The following BRD7 variants were observed in gnomAD, a reference collection of about 807,000 sequenced individuals.
BRD7 encodes bromodomain containing 7.
BRD7 carries 15 observed loss-of-function variants against 82.1 expected under a neutral mutation model. The ratio of observed to expected loss-of-function variants is 0.18; its 90% confidence interval spans 0.12 to 0.28. The LOEUF is 0.28. Ranked by LOEUF, BRD7 falls within the 10% of genes least tolerant of loss-of-function variation. The pLI, the probability that BRD7 is intolerant of heterozygous loss-of-function variation, is 1.00. For missense variants in BRD7, 638 were observed against 779.9 expected, an observed-to-expected ratio of 0.82 and a Z score of 2.17; for synonymous variants, 232 against 266.9, an observed-to-expected ratio of 0.87 and a Z score of 1.27.
At chr16:50,357,703 A>G (rs1332585646) in intron 2 of BRD7, among the ~76,000 whole-genome samples, 1 of 152,192 alleles carries the variant, frequency 6.6e-6, no homozygotes, top group African/African-American at 2.4e-5. Flanking sequence ...AAACTGGGCC[A>G]AGTGCAGTGG....
At chr16:50,334,086 T>C (rs2037687684) in intron 7 of BRD7, among the ~76,000 whole-genome samples, 1 of 152,252 alleles carries the variant, frequency 6.6e-6, no homozygotes, top group African/African-American at 2.4e-5. Context: ...AACTTGTCAC[T>C]AGTTTACTTT....
intron 6 of BRD7, among the ~76,000 whole-genome samples, chr16:50,337,021 G>A (rs1015074946): frequency 1.3e-5 from 2 of 152,130 alleles, no homozygotes; most frequent in Non-Finnish European, 2.9e-5. Flanking sequence ...CATGAGGTAA[G>A]TACTACTATT....
intron 11 of BRD7, among the ~76,000 whole-genome samples, chr16:50,324,345 C>T (rs2037244520): frequency 1.3e-5 from 2 of 152,168 alleles, no homozygotes; most frequent in Non-Finnish European, 2.9e-5. Flanking sequence ...CTACTTCTGC[C>T]CTTGCCTCTC....
intron 2 of BRD7, among the ~76,000 whole-genome samples, chr16:50,357,391 G>A (rs944177423): frequency 2.6e-5 from 4 of 152,212 alleles, no homozygotes; most frequent in Non-Finnish European, 5.9e-5. Context: ...AGCTACCACT[G>A]TTAGTTGGTT....
At chr16:50,368,589 C>A (rs920659658) in intron 1 of BRD7, 137 bp downstream of exon 1, 2 of 934,396 alleles carry the variant, frequency 2.1e-6, no homozygotes, top group Non-Finnish European at 3.0e-6. Flanking sequence ...CGGCCTCCGG[C>A]AGGACGCGCC....
At chr16:50,357,924 G>C (rs1408347611) in intron 2 of BRD7, among the ~76,000 whole-genome samples, 1 of 152,014 alleles carries the variant, frequency 6.6e-6, no homozygotes, top group African/African-American at 2.4e-5. Flanking sequence ...AGGTTGCAGT[G>C]AGCCAAGAAC....
rs1388107959 is a variant in BRD7, at chr16:50,340,022, T to C, written c.656A>G (p.Lys219Arg). The change falls in exon 6 of 17, where the codon AAA (lysine) becomes AGA (arginine). Residue 219 changes from lysine (K) to arginine (R), a missense_variant. Lys to Arg is a conservative substitution (Grantham distance 26). This residue lies in a region of BRD7 where 64 missense variants were observed against 123.8 expected (regional missense o/e 0.52). Transcript: ENST00000394688. ...TGAGTGCAACAGCTTCTTTGCAGCT[T>C]TATAATAAATGGTCTCTGGTTTATT... The part of the protein sequence containing the change: ...IYNKPETIYY[K>R]AAKKLLHSGM... 1 of 1,601,556 alleles carries C rather than the reference T, an allele frequency of 6.2e-7. No individual in the cohort carries two copies. The highest frequency in any genetic ancestry group is 8.5e-7 in the Non-Finnish European group (1 of 1,174,776).
chr16:50,350,658 G>C (rs945073019), intron 4 of BRD7, among the ~76,000 whole-genome samples: 3 of 152,046 alleles, frequency 2.0e-5, no homozygotes, highest in African/African-American at 4.8e-5. Flanking sequence ...GTGTATGTGG[G>C]GGATGCTAAA....
chr16:50,326,834 T>G (rs1472648840), intron 9 of BRD7, among the ~76,000 whole-genome samples: 1 of 152,160 alleles, frequency 6.6e-6, no homozygotes, highest in East Asian at 1.9e-4. Flanking sequence ...ATACTTTTAG[T>G]GCAACGAGAA....
intron 1 of BRD7, 130 bp from the exon 2 acceptor site, chr16:50,368,428 G>C: frequency 9.8e-7 from 1 of 1,016,730 alleles, no homozygotes; most frequent in Non-Finnish European, 1.4e-6. Context: ...CGAAGCACCT[G>C]TTGAATGACG....
At chr16:50,356,676 T>C (rs1426335229) in intron 2 of BRD7, among the ~76,000 whole-genome samples, 1 of 151,156 alleles carries the variant, frequency 6.6e-6, no homozygotes, top group Non-Finnish European at 1.5e-5. Flanking sequence ...TCTGAAAGGG[T>C]ATAAGGGATC....
chr16:50,320,032 TAA>T lies in BRD7; in HGVS notation c.1757-4_1757-3del, dbSNP rs1296741749. ...TAAGATTATTGGTCACTTGTTCAGC[TAA>T]AAAGAAAAACAAAGTTCCAGATACT... On this transcript the variant is annotated splice_region_variant and splice_polypyrimidine_tract_variant and intron_variant, in intron 15 of 16. Coordinates refer to ENST00000394688, the MANE Select transcript of BRD7 (RefSeq NM_013263.5). 1 of 1,600,676 alleles carries T rather than the reference TAA, an allele frequency of 6.2e-7. No individual in the cohort carries two copies. Among genetic ancestry groups the T allele is most frequent in the East Asian group, 2.2e-5 (1 of 44,750 alleles).
chr16:50,340,621 CACT>C (rs1361325761), intron 5 of BRD7, among the ~76,000 whole-genome samples: 1 of 152,280 alleles, frequency 6.6e-6, no homozygotes, highest in Admixed American at 6.5e-5. Context: ...AAAACATTTA[CACT>C]ACTTTTATGT....
In BRD7 at chr16:50,317,905, C is replaced by T. The variant is rs1567591249; in HGVS notation, c.*1306G>A. 1 of 151,872 alleles carries T rather than the reference C, an allele frequency of 6.6e-6. No homozygotes were observed. Among genetic ancestry groups the T allele is most frequent in the East Asian group, 1.9e-4 (1 of 5,326 alleles). The allele number at this position is 151,872 out of a possible 1,614,324, so 9.4% of individuals were successfully genotyped here. On this transcript the variant is annotated 3_prime_UTR_variant, in exon 17 of 17. Transcript: ENST00000394688. ...TTGAGGAAATTTCCTAACAAACAAA[C>T]AAACAAACAAACAGAAGAGAAGATC...
intron 2 of BRD7, among the ~76,000 whole-genome samples, chr16:50,364,102 C>T (rs961618615): frequency 1.3e-5 from 2 of 151,970 alleles, no homozygotes; most frequent in Non-Finnish European, 2.9e-5. Flanking sequence ...TTTCCGGTCT[C>T]CCTATCAGCT....
At position 50,328,841 on chromosome 16, in the gene BRD7, T is replaced by C. The variant is rs1431650844; in HGVS notation, c.1012-97A>G. ...ATGCTTGATACCAGAGTGTTGTGGA[T>C]TGCAGATTTTCCCAGATTTTGGAAT... On this transcript the variant is annotated intron_variant, in intron 8 of 16. Transcript: ENST00000394688. 1.8e-5 allele frequency: 20 copies of C among 1,102,280 alleles called. No homozygotes were observed. The Admixed American group carries it at 4.1e-4, about 23-fold the overall frequency. 68.3% of individuals were successfully genotyped at this position (1,102,280 alleles called of 1,614,324 possible).
rs148710326 is a variant in BRD7, at chr16:50,359,664, C to T, written c.259-4742G>A. On this transcript the variant is annotated intron_variant, in intron 2 of 16. Transcript: ENST00000394688. Reference sequence around the variant, plus strand: ...CATGTTTACAACTAATTGATCACAACGAGCTACAGATTTTTTTGTTCCTTC... The same window carrying T: ...CATGTTTACAACTAATTGATCACAATGAGCTACAGATTTTTTTGTTCCTTC... Among the ~76,000 whole-genome samples the T allele has an allele frequency of 6.7e-3, 1,025 of 152,250 alleles. 14 individuals carry two copies. Among genetic ancestry groups the T allele is most frequent in the African/African-American group, 0.022 (916 of 41,550 alleles).
chr16:50,346,583 A>T (rs1438967468), intron 5 of BRD7, among the ~76,000 whole-genome samples: 1 of 152,332 alleles, frequency 6.6e-6, no homozygotes, highest in African/African-American at 2.4e-5. Context: ...GATAAAGGGG[A>T]TATCGCCACT....
chr16:50,320,030 G>C lies in BRD7; in HGVS notation c.1757C>G (p.Ala586Gly). The C allele has an allele frequency of 6.2e-7, 1 of 1,600,880 alleles. No individual in the cohort carries two copies. The highest frequency in any genetic ancestry group is 8.5e-7 in the Non-Finnish European group (1 of 1,175,236). ...LGPSYREMHLAEQVTNNLKEL... is the reference protein window; with the variant it reads ...LGPSYREMHLGEQVTNNLKEL... ...TTTAAGATTATTGGTCACTTGTTCA[G>C]CTAAAAAGAAAAACAAAGTTCCAGA... Residue 586 changes from alanine (A) to glycine (G), a missense_variant and splice_region_variant, in exon 16 of 17, where the codon GCT becomes GGT. Transcript: ENST00000394688.
Sources: allele counts gnomAD v4.1 joint callset (sites outside exome capture counted in the v4.1 genomes callset), GRCh38; gene constraint gnomAD v4.1.1; regional missense constraint gnomAD v4.1.1; transcripts MANE v1.5; gene names NCBI Gene and HGNC (gene_info 2026-07-23, HGNC 2026-07-21).